PARP12: variants seen among roughly 807,000 people sequenced by gnomAD.
PARP12 encodes the protein poly(ADP-ribose) polymerase family member 12.
In PARP12, 59 loss-of-function variants were observed where a neutral mutation model predicts 72.4. The ratio of observed to expected loss-of-function variants is 0.81; its 90% confidence interval spans 0.66 to 1.01. The LOEUF (loss-of-function observed/expected upper bound fraction) is 1.01, where lower values mean the gene tolerates loss of function less well. PARP12 is among the 50% of genes least tolerant of loss of function. PARP12 has a pLI of 0.00. For synonymous variants in PARP12, 403 were observed against 371.4 expected (o/e 1.09, Z -0.98); for missense variants, 851 against 914.0 (o/e 0.93, Z 0.89).
Position 140,054,727 on chromosome 7 carries a change from G to A in PARP12, c.797C>T (p.Thr266Ile), listed in dbSNP as rs1817111579. ...CTGATCACCCTCCTCCTGGCTAAGA[G>A]TGTTTGGGGACACAGAACCTGAACT... ...KDSSGSVSPN[T>I]LSQEEGDQIC... The change falls in exon 4 of 12, where the codon ACT (threonine) becomes ATT (isoleucine). Residue 266 changes from threonine (T) to isoleucine (I), a missense_variant. Physicochemically the swap from Thr to Ile is moderately conservative, Grantham distance 89. Coordinates refer to ENST00000263549, the MANE Select transcript of PARP12 (RefSeq NM_022750.4). 1 of 1,614,076 alleles carries A rather than the reference G, an allele frequency of 6.2e-7. No individual in the cohort carries two copies. Among genetic ancestry groups the A allele is most frequent in the Non-Finnish European group, 8.5e-7 (1 of 1,179,916 alleles).
At chr7:140,029,903 T>C (rs1032854098) in intron 8 of PARP12, among the ~76,000 whole-genome samples, 2 of 151,994 alleles carry the variant, frequency 1.3e-5, no homozygotes, top group Admixed American at 1.3e-4. Context: ...AGTTGAGACA[T>C]GGAGAACAGT....
intron 1 of PARP12, 85 bp downstream of exon 1, chr7:140,062,437 T>G (rs905751579): frequency 7.4e-7 from 1 of 1,360,362 alleles, no homozygotes. Flanking sequence ...CTGCTCAAAC[T>G]TCAAGTAGGA....
At chr7:140,054,639 T>C in intron 4 of PARP12, 23 bp downstream of exon 4, 2 of 1,560,828 alleles carry the variant, frequency 1.3e-6, no homozygotes, top group Non-Finnish European at 1.8e-6. Context: ...ACAAGTGGAA[T>C]GAAGGAGCCT....
intron 4 of PARP12, among the ~76,000 whole-genome samples, chr7:140,050,803 A>G (rs1046657171): frequency 5.9e-5 from 9 of 152,170 alleles, no homozygotes; most frequent in African/African-American, 1.9e-4. Flanking sequence ...AAAAACACAA[A>G]CCATAAAAGA....
chr7:140,037,249 G>A (rs534640213), intron 7 of PARP12, among the ~76,000 whole-genome samples: 29 of 152,288 alleles, frequency 1.9e-4, no homozygotes, highest in Middle Eastern at 3.4e-3. Context: ...ACTTGAACCC[G>A]GGAGGCGGAG....
In PARP12 at chr7:140,028,865, T is replaced by C. The variant is rs1170071508; in HGVS notation, c.1422-177A>G. 4 of 493,428 alleles carry C rather than the reference T, an allele frequency of 8.1e-6. No individual in the cohort carries two copies. In the East Asian group the frequency reaches 1.7e-4, roughly 21 times the overall value. The allele number at this position is 493,428 out of a possible 1,614,324, so 30.6% of individuals were successfully genotyped here. A position where few individuals can be genotyped will look rare whatever the true frequency, so the allele number is the denominator to read the frequency against. On this transcript the variant is annotated intron_variant, in intron 8 of 11. Transcript: ENST00000263549. ...GATATTCACAACATGAGAGCACTTT[T>C]ATCTTTGCCTATGTAGCCAAACTCC...
intron 10 of PARP12, 112 bp from the exon 11 acceptor site, chr7:140,026,460 A>C: frequency 7.0e-7 from 1 of 1,431,168 alleles, no homozygotes; most frequent in Non-Finnish European, 9.4e-7. Flanking sequence ...TCCTGGGACC[A>C]AGAGACGCAG....
At chr7:140,057,809 C>A in intron 2 of PARP12, 90 bp downstream of exon 2, 2 of 1,533,272 alleles carry the variant, frequency 1.3e-6, no homozygotes. Context: ...TCACCAAGGG[C>A]CCACCCATTC....
At chr7:140,058,097 A>G (rs964157809) in intron 1 of PARP12, 63 bp from the exon 2 acceptor site, 3 of 1,574,846 alleles carry the variant, frequency 1.9e-6, no homozygotes, top group Non-Finnish European at 2.6e-6. Context: ...TCTATGTTGG[A>G]GTCCTAACTC....
intron 11 of PARP12, chr7:140,025,675 GT>G (rs778185059): frequency 2.5e-5 from 9 of 355,852 alleles, no homozygotes; most frequent in Non-Finnish European, 4.6e-5. Context: ...ACCCAAAGAG[GT>G]TTTTTTTAAT....
chr7:140,024,270 T>C lies in PARP12; in HGVS notation c.*290A>G, dbSNP rs143760499. The C allele has an allele frequency of 7.1e-4, 297 of 416,932 alleles. 2 individuals carry two copies. The East Asian group carries it at 0.01, about 14-fold the overall frequency. The allele number at this position is 416,932 out of a possible 1,614,324, so 25.8% of individuals were successfully genotyped here. On this transcript the variant is annotated 3_prime_UTR_variant, in exon 12 of 12. Transcript: ENST00000263549. ...AAATTGTATCTAGAAACTCTGTCCC[T>C]GGTGCCAATAAGCAGCAAAGTCAAC...
intron 5 of PARP12, among the ~76,000 whole-genome samples, chr7:140,043,147 C>T (rs755017966): frequency 1.3e-5 from 2 of 152,118 alleles, no homozygotes; most frequent in Non-Finnish European, 2.9e-5. Context: ...TGAGCTGAGA[C>T]CGCACCACTG....
chr7:140,056,141 C>T (rs1345619000), intron 3 of PARP12, among the ~76,000 whole-genome samples: 1 of 152,260 alleles, frequency 6.6e-6, no homozygotes, highest in African/African-American at 2.4e-5. Flanking sequence ...ATCTCCCTGA[C>T]AGACCACATT....
In PARP12 at chr7:140,041,631, C is replaced by G; in HGVS notation, c.1182+13G>C. 6.2e-7 allele frequency: 1 copy of G among 1,609,882 alleles called. No individual in the cohort carries two copies. The highest frequency in any genetic ancestry group is 8.5e-7 in the Non-Finnish European group (1 of 1,177,128). ...TCAGGACAAAACATTCACCCTCTTTCCATCACACTTACCTGTCTTCCATAT... is the reference window on the plus strand; with the variant it reads ...TCAGGACAAAACATTCACCCTCTTTGCATCACACTTACCTGTCTTCCATAT... On this transcript the variant is annotated intron_variant, in intron 6 of 11. Transcript: ENST00000263549.
chr7:140,042,349 G>A lies in PARP12; in HGVS notation c.987-510C>T, dbSNP rs371605787. On this transcript the variant is annotated intron_variant, in intron 5 of 11. Coordinates refer to ENST00000263549, the MANE Select transcript of PARP12 (RefSeq NM_022750.4). ...AAGGTCAAACAGCTAGTCAGCGGGC[G>A]AGCTGGGCTTTCAGGTGGGCAGGTG... Among the ~76,000 whole-genome samples, 54 of 152,342 alleles carry A rather than the reference G, an allele frequency of 3.5e-4. 1 individual carries two copies. The South Asian group carries it at 9.1e-3, about 26-fold the overall frequency.
Position 140,046,960 on chromosome 7 carries a change from A to G in PARP12, c.910T>C (p.Leu304=), listed in dbSNP as rs1185282342. 1.2e-6 allele frequency: 2 copies of G among 1,613,994 alleles called. No individual in the cohort carries two copies. Among genetic ancestry groups the G allele is most frequent in the African/African-American group, 2.7e-5 (2 of 74,924 alleles). The change falls in exon 5 of 12, where the codon TTG becomes CTG. Residue 304 remains leucine, a synonymous_variant. Coordinates refer to ENST00000263549, the MANE Select transcript of PARP12 (RefSeq NM_022750.4). ...HFHLPYRWQF[L]DRGKWEDLDN... is the part of the protein sequence containing the mutation. Reference sequence around the variant, plus strand: ...AAATCCTCCCATTTGCCTCTATCCAAGAATTGCCATCGATACGGCAAATGG... The same window carrying G: ...AAATCCTCCCATTTGCCTCTATCCAGGAATTGCCATCGATACGGCAAATGG...
intron 1 of PARP12, among the ~76,000 whole-genome samples, chr7:140,059,053 C>T (rs1003283720): frequency 3.3e-5 from 5 of 151,494 alleles, no homozygotes; most frequent in South Asian, 2.1e-4. Flanking sequence ...CAAGATTGCG[C>T]CATTGCACTC....
chr7:140,035,902 C>T (rs147137376), intron 7 of PARP12, among the ~76,000 whole-genome samples: 6 of 52,122 alleles, frequency 1.2e-4, no homozygotes, highest in East Asian at 5.2e-4. Flanking sequence ...AGGAGGAGGA[C>T]GAGGAGGAGG....
intron 4 of PARP12, among the ~76,000 whole-genome samples, chr7:140,047,790 A>T (rs931880866): frequency 1.3e-5 from 2 of 151,916 alleles, no homozygotes; most frequent in African/African-American, 2.4e-5. Flanking sequence ...TAATTTTTGT[A>T]TTTTTTGTAG....
Sources: allele counts gnomAD v4.1 joint callset (sites outside exome capture counted in the v4.1 genomes callset), GRCh38; gene constraint gnomAD v4.1.1; transcripts MANE v1.5; gene names NCBI Gene and HGNC (gene_info 2026-07-23, HGNC 2026-07-21).